Variants in PTP4A2 observed in about 807,000 individuals in gnomAD.
PTP4A2 encodes protein tyrosine phosphatase type IVA 2.
A neutral mutation model predicts 22.9 loss-of-function variants in PTP4A2; 2 were observed. The observed-to-expected ratio is 0.09, with a 90% CI of 0.04 to 0.27. PTP4A2 has a LOEUF of 0.27. Ranked by LOEUF, PTP4A2 falls within the 10% of genes least tolerant of loss-of-function variation. PTP4A2 has a pLI of 1.00. For synonymous variants in PTP4A2, 68 were observed against 69.1 expected (o/e 0.98, Z 0.08); for missense variants, 103 against 205.1 (o/e 0.50, Z 3.04).
chr1:31,936,691 T>C (rs1652947239), intron 1 of PTP4A2, among the ~76,000 whole-genome samples: 1 of 152,190 alleles, frequency 6.6e-6, no homozygotes, highest in South Asian at 2.1e-4. Flanking sequence ...AAGATCAGAA[T>C]ACCAGCAAAC....
intron 1 of PTP4A2, among the ~76,000 whole-genome samples, chr1:31,920,466 A>T (rs1652088941): frequency 1.3e-5 from 2 of 151,854 alleles, no homozygotes; most frequent in East Asian, 3.9e-4. Flanking sequence ...AACAAAAAAA[A>T]TCAGAGACTC....
At chr1:31,936,652 G>C (rs1652945885) in intron 1 of PTP4A2, among the ~76,000 whole-genome samples, 1 of 152,070 alleles carries the variant, frequency 6.6e-6, no homozygotes, top group Non-Finnish European at 1.5e-5. Flanking sequence ...ATAATAATTA[G>C]TCCATTCATT....
At chr1:31,926,632 T>C (rs1380330197) in intron 1 of PTP4A2, among the ~76,000 whole-genome samples, 2 of 152,312 alleles carry the variant, frequency 1.3e-5, no homozygotes, top group East Asian at 1.9e-4. Context: ...GCTAGGCATT[T>C]TCCTCAAATT....
chr1:31,913,131 G>A, intron 3 of PTP4A2: 1 of 393,504 alleles, frequency 2.5e-6, no homozygotes, highest in Non-Finnish European at 5.0e-6. Context: ...AATTGATACA[G>A]CTAAAACCAC....
intron 1 of PTP4A2, among the ~76,000 whole-genome samples, chr1:31,920,520 T>C (rs1024934351): frequency 1.3e-5 from 2 of 151,074 alleles, no homozygotes; most frequent in African/African-American, 4.9e-5. Context: ...TACTAGATAC[T>C]TAAAACTTCC....
intron 1 of PTP4A2, among the ~76,000 whole-genome samples, chr1:31,928,376 C>G (rs1327029823): frequency 2.6e-5 from 4 of 151,332 alleles, no homozygotes; most frequent in African/African-American, 9.7e-5. Flanking sequence ...AGTGAATAAG[C>G]CAAAAATAAG....
At chr1:31,927,894 C>A (rs1652539260) in intron 1 of PTP4A2, among the ~76,000 whole-genome samples, 1 of 151,874 alleles carries the variant, frequency 6.6e-6, no homozygotes, top group African/African-American at 2.4e-5. Context: ...TGTATTTTGA[C>A]CACTTGGGGG....
chr1:31,914,379 T>G (rs542482297), intron 3 of PTP4A2: 2 of 409,098 alleles, frequency 4.9e-6, no homozygotes, highest in South Asian at 3.4e-5. Context: ...AACACATTTT[T>G]TTAAAACACA....
chr1:31,932,001 C>T (rs1652745568), intron 1 of PTP4A2, among the ~76,000 whole-genome samples: 1 of 152,088 alleles, frequency 6.6e-6, no homozygotes, highest in South Asian at 2.1e-4. Context: ...GGTGATACAA[C>T]CTAGTGAATG....
chr1:31,928,696 CAAAAAAAAAA>C (rs1162186046), intron 1 of PTP4A2, among the ~76,000 whole-genome samples: 3 of 57,314 alleles, frequency 5.2e-5, no homozygotes, highest in Admixed American at 1.8e-4. Flanking sequence ...AACTCTGTCT[CAAAAAAAAAA>C]AAAAAAAAAA....
chr1:31,913,907 G>A, intron 3 of PTP4A2: 1 of 455,246 alleles, frequency 2.2e-6, no homozygotes, highest in Non-Finnish European at 4.4e-6. Flanking sequence ...AAATAAACTT[G>A]TATGCAGCTT....
chr1:31,921,839 A>C (rs1413163213), intron 1 of PTP4A2: 2 of 152,122 alleles, frequency 1.3e-5, no homozygotes, highest in Non-Finnish European at 2.9e-5. Context: ...TTTTTATGAT[A>C]CTCTTATGGC....
At chr1:31,933,885 G>T (rs1652831308) in intron 1 of PTP4A2, 1 of 152,228 alleles carries the variant, frequency 6.6e-6, no homozygotes, top group Non-Finnish European at 1.5e-5. Context: ...CCCTGAAAGG[G>T]TAATATTGAA....
At chr1:31,920,214 C>A (rs565383913) in intron 1 of PTP4A2, among the ~76,000 whole-genome samples, 2 of 149,110 alleles carry the variant, frequency 1.3e-5, no homozygotes, top group Non-Finnish European at 3.0e-5. Flanking sequence ...GAGGCTGAGG[C>A]GGGCAGATCA....
intron 3 of PTP4A2, 109 bp from the exon 4 acceptor site, chr1:31,911,935 C>T: frequency 1.5e-6 from 1 of 655,518 alleles, no homozygotes. Context: ...GAACTAACTG[C>T]ACTATATATA....
intron 1 of PTP4A2, among the ~76,000 whole-genome samples, chr1:31,925,178 T>G (rs1187578934): frequency 1.3e-5 from 2 of 152,208 alleles, no homozygotes; most frequent in Non-Finnish European, 2.9e-5. Flanking sequence ...TACTACATCT[T>G]AACATATACC....
At chr1:31,930,135 G>A (rs1397318735) in intron 1 of PTP4A2, among the ~76,000 whole-genome samples, 1 of 152,066 alleles carries the variant, frequency 6.6e-6, no homozygotes, top group African/African-American at 2.4e-5. Context: ...TCAGCAGATC[G>A]AGACCATCCT....
intron 1 of PTP4A2, among the ~76,000 whole-genome samples, chr1:31,922,586 G>GTTTGTTTCTTTCTTTCTTTC (rs1386060733): frequency 6.8e-6 from 1 of 146,002 alleles, no homozygotes; most frequent in Admixed American, 6.9e-5. Flanking sequence ...ACCCAGGTTT[G>GTTTGTTTCTTTCTTTCTTTC]TTTCTTTCTT....
intron 4 of PTP4A2, 190 bp from the exon 5 acceptor site, chr1:31,910,302 G>T (rs1051433682): frequency 5.9e-6 from 3 of 509,194 alleles, no homozygotes; most frequent in African/African-American, 5.8e-5. Flanking sequence ...TTTTTGGCGG[G>T]GCAGGGGACA....
Sources: allele counts gnomAD v4.1 joint callset (sites outside exome capture counted in the v4.1 genomes callset), GRCh38; gene constraint gnomAD v4.1.1; transcripts MANE v1.5; gene names NCBI Gene and HGNC (gene_info 2026-07-23, HGNC 2026-07-21).